The following HLA-DPB1 variants were observed in gnomAD, a reference collection of about 807,000 sequenced individuals.
HLA-DPB1 encodes the protein HLA class II histocompatibility antigen, DP beta 1 chain.
In HLA-DPB1, 30 loss-of-function variants were observed where a neutral mutation model predicts 29.4. The ratio of observed to expected loss-of-function variants is 1.02; its 90% CI spans 0.76 to 1.38. The LOEUF (loss-of-function observed/expected upper bound fraction) is 1.38. Among genes scored for constraint, HLA-DPB1 ranks in the 40% most tolerant of loss-of-function variants. The probability of loss-of-function intolerance (pLI) is 0.00; values close to 1 mark genes in which losing one functional copy is unlikely to be tolerated. For synonymous variants in HLA-DPB1, 114 were observed against 134.0 expected (o/e 0.85, Z 1.03); for missense variants, 261 against 327.5 (o/e 0.80, Z 1.57).
At chr6:33,083,779 T>A (rs1283506608) in intron 2 of HLA-DPB1, 1 of 152,176 alleles carries the variant, frequency 6.6e-6, no homozygotes, top group African/African-American at 2.4e-5. Flanking sequence ...TTTTCTGCTT[T>A]CTGAGGAGGA....
At chr6:33,086,056 T>A (rs1763084439) in intron 4 of HLA-DPB1, 163 bp from the exon 5 acceptor site, 2 of 810,958 alleles carry the variant, frequency 2.5e-6, no homozygotes, top group Non-Finnish European at 2.1e-6. Flanking sequence ...GATCCCAGGC[T>A]GGGATCTTAA....
intron 2 of HLA-DPB1, among the ~76,000 whole-genome samples, chr6:33,082,868 TG>T (rs1156312397): frequency 1.3e-5 from 2 of 152,192 alleles, no homozygotes; most frequent in African/African-American, 4.8e-5. Context: ...ATGAGGCCAT[TG>T]GGTATCAGGC....
Position 33,086,218 on chromosome 6 carries a change from G to A in HLA-DPB1, c.758-1G>A. 6.3e-7 allele frequency: 1 copy of A among 1,580,792 alleles called. No homozygotes were observed. The highest frequency in any genetic ancestry group is 2.3e-5 in the East Asian group (1 of 44,296). On this transcript the variant is annotated splice_acceptor_variant, in intron 4 of 5. Transcript: ENST00000418931. LOFTEE classifies it high-confidence loss of function. ...ATATAACCTTTCGTCTTTCATTTCA[G>A]TTCAACGAGGATCTGCATAAACAGG...
intron 1 of HLA-DPB1, chr6:33,079,806 G>A (rs901415580): frequency 8.8e-6 from 4 of 456,890 alleles, no homozygotes; most frequent in Admixed American, 2.4e-5. Flanking sequence ...TCACCCAGCC[G>A]GCCATCAGAG....
intron 2 of HLA-DPB1, among the ~76,000 whole-genome samples, chr6:33,084,416 C>T (rs775807032): frequency 1.3e-5 from 2 of 152,162 alleles, no homozygotes; most frequent in Non-Finnish European, 2.9e-5. Flanking sequence ...TCAATGCTAC[C>T]CTTACCCACT....
At chr6:33,086,122 G>C in intron 4 of HLA-DPB1, 97 bp from the exon 5 acceptor site, 2 of 1,132,256 alleles carry the variant, frequency 1.8e-6, no homozygotes, top group Non-Finnish European at 2.7e-6. Flanking sequence ...CGTCCATTGA[G>C]TGATGGGCAA....
chr6:33,077,139 A>G (rs1405527442), intron 1 of HLA-DPB1, among the ~76,000 whole-genome samples: 1 of 133,012 alleles, frequency 7.5e-6, no homozygotes, highest in Non-Finnish European at 1.5e-5. Flanking sequence ...CTCATTGTTC[A>G]GTTCCCACCT....
intron 2 of HLA-DPB1, among the ~76,000 whole-genome samples, chr6:33,082,606 A>G (rs896287092): frequency 2.6e-5 from 4 of 152,224 alleles, no homozygotes; most frequent in African/African-American, 9.6e-5. Flanking sequence ...AGGAGGGACC[A>G]GAGGCAGGGA....
In HLA-DPB1 at chr6:33,076,067, C is replaced by T. The variant is rs779921780; in HGVS notation, c.26C>T (p.Ala9Val). MMVLQVSA[A>V]PRTVALTALL... Reference sequence around the variant, plus strand: ...ATGATGGTTCTGCAGGTTTCTGCGGCCCCCCGGACAGTGGCTCTGACGGCG... The same window carrying T: ...ATGATGGTTCTGCAGGTTTCTGCGGTCCCCCGGACAGTGGCTCTGACGGCG... Residue 9 changes from alanine to valine, a missense_variant, in exon 1 of 6, where the codon GCC becomes GTC. Physicochemically the swap from Ala to Val is moderately conservative, Grantham distance 64. Coordinates refer to ENST00000418931, the MANE Select transcript of HLA-DPB1 (RefSeq NM_002121.6). The T allele has an allele frequency of 1.9e-6, 3 of 1,611,790 alleles. No homozygotes were observed. Among genetic ancestry groups the T allele is most frequent in the Non-Finnish European group, 2.5e-6 (3 of 1,179,418 alleles).
At position 33,085,859 on chromosome 6, in the gene HLA-DPB1, G is replaced by A; in HGVS notation, c.727G>A (p.Gly243Ser). 1 of 1,613,642 alleles carries A rather than the reference G, an allele frequency of 6.2e-7. No individual in the cohort carries two copies. The highest frequency in any genetic ancestry group is 8.5e-7 in the Non-Finnish European group (1 of 1,179,696). Residue 243 changes from glycine (G) to serine (S), a missense_variant, in exon 4 of 6, where the codon GGC (glycine) becomes AGC (serine). Transcript: ENST00000418931. Reference sequence around the variant, plus strand: ...GCTGGGGCTCATCATCTGTGGAGTGGGCATCTTCATGCACAGGAGGAGCAA... The same window carrying A: ...GCTGGGGCTCATCATCTGTGGAGTGAGCATCTTCATGCACAGGAGGAGCAA... Reference protein sequence around the residue: ...FVLGLIICGVGIFMHRRSKKV... With the variant: ...FVLGLIICGVSIFMHRRSKKV...
In HLA-DPB1 at chr6:33,080,752, C is replaced by T. The variant is rs41545716; in HGVS notation, c.181C>T (p.Arg61Trp). Residue 61 changes from arginine to tryptophan, a missense_variant, in exon 2 of 6, where the codon CGG (arginine) becomes TGG (tryptophan). By Grantham distance (101) the Arg-to-Trp change is moderately radical (BLOSUM62 -3). Transcript: ENST00000418931. The surrounding 1 kb of genome is among the most constrained non-coding windows in gnomAD (Gnocchi z 4.3). ...QRFLERYIYN[R>W]EEFARFDSDV... ...CTTCCTGGAGAGATACATCTACAAC[C>T]GGGAGGAGTTCGCGCGCTTCGACAG... 84 of 1,613,368 alleles carry T rather than the reference C, an allele frequency of 5.2e-5. No homozygotes were observed. Among genetic ancestry groups the T allele is most frequent in the Non-Finnish European group, 5.8e-5 (68 of 1,179,824 alleles).
rs1243417395 is a variant in HLA-DPB1, at chr6:33,088,374, TG to T, written c.*1842del. The stretch of plus-strand genomic sequence containing the variant: ...TACCCCGAGTGGAGTGAACAATCTC[TG>T]GACTAACACTTGTCAGGATCAGAAG... On this transcript the variant is annotated 3_prime_UTR_variant, in exon 6 of 6. Coordinates refer to ENST00000418931, the MANE Select transcript of HLA-DPB1 (RefSeq NM_002121.6). 7.1e-6 allele frequency among the ~76,000 whole-genome samples: 1 copy of T among 140,412 alleles called. No individual in the cohort carries two copies. The highest frequency in any genetic ancestry group is 2.6e-5 in the African/African-American group (1 of 38,510). The allele number at this position is 140,412 out of a possible 152,430, so 92.1% of individuals were successfully genotyped here.
In HLA-DPB1 at chr6:33,077,114, C is replaced by T. The variant is rs368982238; in HGVS notation, c.100+973C>T. Among the ~76,000 whole-genome samples, 261 of 140,318 alleles carry T rather than the reference C, an allele frequency of 1.9e-3. 8 individuals are homozygous for T. In the South Asian group the frequency reaches 0.051, roughly 27 times the overall value. 92.1% of individuals were successfully genotyped at this position (140,318 alleles called of 152,430 possible). ...GCCCCGGTGTATGATGTTCCCCTTC[C>T]TGTGTCCATGTGTTCTCATTGTTCA... On this transcript the variant is annotated intron_variant, in intron 1 of 5. Transcript: ENST00000418931.
Position 33,085,963 on chromosome 6 carries a change from T to C in HLA-DPB1, c.757+74T>C, listed in dbSNP as rs9277476. ...CACACTTATTCCACGATGAGGGGTT[T>C]GACAGAAAAGAAATGTCAGAAAGCT... On this transcript the variant is annotated intron_variant, in intron 4 of 5. Transcript: ENST00000418931. The C allele has an allele frequency of 3.9e-6, 4 of 1,030,286 alleles. No individual in the cohort carries two copies. The African/African-American group carries it at 6.5e-5, about 17-fold the overall frequency. The allele number at this position is 1,030,286 out of a possible 1,614,324, so 63.8% of individuals were successfully genotyped here.
At position 33,085,881 on chromosome 6, in the gene HLA-DPB1, G is replaced by A; in HGVS notation, c.749G>A (p.Ser250Asn). 6.2e-7 allele frequency: 1 copy of A among 1,609,578 alleles called. No homozygotes were observed. Among genetic ancestry groups the A allele is most frequent in the Non-Finnish European group, 8.5e-7 (1 of 1,176,552 alleles). Residue 250 changes from serine to asparagine, a missense_variant, in exon 4 of 6, where the codon AGC becomes AAC. Coordinates refer to ENST00000418931, the MANE Select transcript of HLA-DPB1 (RefSeq NM_002121.6). Reference protein sequence around the residue: ...CGVGIFMHRRSKKVQRGSA With the variant: ...CGVGIFMHRRNKKVQRGSA ...GTGGGCATCTTCATGCACAGGAGGA[G>A]CAAGAAAGGTGAGAAAGCCTGCAGG...
rs1047391310 is a variant in HLA-DPB1 at position 33,089,196 on chromosome 6, G to A, written c.*2662G>A. Among the ~76,000 whole-genome samples, 2 of 152,288 alleles carry A rather than the reference G, an allele frequency of 1.3e-5. No homozygotes were observed. The highest frequency in any genetic ancestry group is 4.1e-4 in the South Asian group (2 of 4,828). On this transcript the variant is annotated 3_prime_UTR_variant, in exon 6 of 6. Coordinates refer to ENST00000418931, the MANE Select transcript of HLA-DPB1 (RefSeq NM_002121.6). ...CCAGTGAACACTTACCATAGTTGAT[G>A]CCTTTTGAGCATGTTGCATTGTAAA...
intron 1 of HLA-DPB1, chr6:33,079,923 C>G (rs7760936): frequency 0.032 from 8,447 of 267,612 alleles, 225 homozygotes; most frequent in African/African-American, 0.057. Flanking sequence ...AAAATTACAT[C>G]AATGCCTCTA....
In HLA-DPB1 at chr6:33,086,565, T is replaced by A. The variant is rs1042448; in HGVS notation, c.*31T>A. 0.21 allele frequency: 112,112 copies of A among 531,006 alleles called. 24,847 individuals carry two copies. Among genetic ancestry groups the A allele is most frequent in the African/African-American group, 0.52 (25,922 of 49,480 alleles). 32.9% of individuals were successfully genotyped at this position (531,006 alleles called of 1,614,324 possible). A position where few individuals can be genotyped will look rare whatever the true frequency, so the allele number is the denominator to read the frequency against. The stretch of plus-strand genomic sequence containing the variant: ...GTTCCTGAGCTCACTGAAAAGACTA[T>A]TGTGCCTTAGGAAAAGCATTTGCTG... On this transcript the variant is annotated 3_prime_UTR_variant, in exon 6 of 6. Transcript: ENST00000418931.
Position 33,076,147 on chromosome 6 carries a change from A to G in HLA-DPB1, c.100+6A>G, listed in dbSNP as rs1277529410. On this transcript the variant is annotated splice_donor_region_variant and intron_variant, in intron 1 of 5. Coordinates refer to ENST00000418931, the MANE Select transcript of HLA-DPB1 (RefSeq NM_002121.6). ...CCAGGGCAGGGCCACTCCAGGTAAG[A>G]GCCGAACTGCCATTCTTGGAGGGTC... The G allele has an allele frequency of 6.3e-7, 1 of 1,586,798 alleles. No individual in the cohort carries two copies. Among genetic ancestry groups the G allele is most frequent in the South Asian group, 1.1e-5 (1 of 89,136 alleles).
Sources: gnomAD v4.1 joint callset for allele counts (sites outside exome capture counted in the v4.1 genomes callset) on GRCh38, gnomAD v4.1.1 for gene constraint, Gnocchi (gnomAD v3.1) non-coding constraint, MANE v1.5 for transcripts, NCBI Gene and HGNC (gene_info 2026-07-23, HGNC 2026-07-21) for gene names.